Variants in ZNF423 observed in about 807,000 individuals in gnomAD.
The protein encoded by ZNF423 is Ebf-associated zinc finger protein.
A neutral mutation model predicts 95.8 loss-of-function variants in ZNF423; 12 were observed. The ratio of observed to expected loss-of-function variants is 0.13; its 90% CI spans 0.08 to 0.20. The LOEUF (loss-of-function observed/expected upper bound fraction) is 0.20, where lower values mean the gene tolerates loss of function less well. Among genes scored for constraint, ZNF423 ranks in the 10% least tolerant of loss-of-function variants. The pLI is 1.00. For missense variants in ZNF423, 1,316 were observed against 1,737.1 expected, an observed-to-expected ratio of 0.76 and a Z score of 4.31; for synonymous variants, 749 against 711.9, an observed-to-expected ratio of 1.05 and a Z score of -0.83.
chr16:49,663,401 C>T (rs558239387), intron 3 of ZNF423, among the ~76,000 whole-genome samples: 4 of 152,176 alleles, frequency 2.6e-5, no homozygotes, highest in Non-Finnish European at 4.4e-5. Flanking sequence ...CAGCCCACCC[C>T]CCTCGAGGCC....
intron 1 of ZNF423, among the ~76,000 whole-genome samples, chr16:49,814,880 CGGAGGCGACA>C: frequency 6.6e-6 from 1 of 152,214 alleles, no homozygotes; most frequent in Admixed American, 6.5e-5. Flanking sequence ...GCCAGCAAGA[CGGAGGCGACA>C]GGAGGCGGTC....
chr16:49,843,731 A>G (rs1177684913), intron 1 of ZNF423, among the ~76,000 whole-genome samples: 1 of 151,896 alleles, frequency 6.6e-6, no homozygotes, highest in African/African-American at 2.4e-5. Flanking sequence ...TTTCTTTTCT[A>G]TTCTGAGTGA....
At chr16:49,581,967 G>GT (rs550718465) in intron 5 of ZNF423, among the ~76,000 whole-genome samples, 120 of 152,296 alleles carry the variant, frequency 7.9e-4, no homozygotes, top group Non-Finnish European at 1.3e-3. Context: ...AGCTGAGTGA[G>GT]TTTTTTCCTT....
At chr16:49,790,767 TG>T (rs2034399736) in intron 1 of ZNF423, among the ~76,000 whole-genome samples, 1 of 152,232 alleles carries the variant, frequency 6.6e-6, no homozygotes, top group African/African-American at 2.4e-5. Context: ...ATCTAACCTC[TG>T]GGTTTCTGTT....
chr16:49,766,465 A>G (rs1489071530), intron 2 of ZNF423, among the ~76,000 whole-genome samples: 1 of 152,246 alleles, frequency 6.6e-6, no homozygotes, highest in East Asian at 1.9e-4. Context: ...CTGATGCCAC[A>G]GCACTGAGAG....
chr16:49,839,575 C>T (rs1280624655), intron 1 of ZNF423, among the ~76,000 whole-genome samples: 4 of 152,170 alleles, frequency 2.6e-5, no homozygotes, highest in African/African-American at 7.2e-5. Flanking sequence ...AGCGGAGGAG[C>T]GGGACATGAC....
At chr16:49,653,333 AATTC>A (rs1973487892) in intron 3 of ZNF423, among the ~76,000 whole-genome samples, 1 of 144,256 alleles carries the variant, frequency 6.9e-6, no homozygotes, top group Admixed American at 6.9e-5. Flanking sequence ...AAAAAAAAAG[AATTC>A]AACTCTGATT....
chr16:49,707,385 G>T (rs1276971444), intron 3 of ZNF423, among the ~76,000 whole-genome samples: 1 of 152,116 alleles, frequency 6.6e-6, no homozygotes, highest in Non-Finnish European at 1.5e-5. Flanking sequence ...AGGCCAAGGC[G>T]GGTGGATCAC....
At chr16:49,645,071 C>T (rs1033780903) in intron 3 of ZNF423, among the ~76,000 whole-genome samples, 2 of 152,172 alleles carry the variant, frequency 1.3e-5, no homozygotes, top group Non-Finnish European at 2.9e-5. Flanking sequence ...CACAAAATGG[C>T]CTTACAGTGC....
intron 3 of ZNF423, among the ~76,000 whole-genome samples, chr16:49,679,539 G>A (rs1400818852): frequency 1.3e-5 from 2 of 152,254 alleles, no homozygotes; most frequent in East Asian, 1.9e-4. Context: ...ATGCACTCAG[G>A]GCAGTGCTGA....
intron 7 of ZNF423, among the ~76,000 whole-genome samples, chr16:49,517,227 A>G (rs542564287): frequency 6.6e-6 from 1 of 152,280 alleles, no homozygotes; most frequent in African/African-American, 2.4e-5. Context: ...TCATGTCCCT[A>G]CAGCTTAATT....
At chr16:49,514,265 C>G (rs1258217407) in intron 7 of ZNF423, among the ~76,000 whole-genome samples, 1 of 151,602 alleles carries the variant, frequency 6.6e-6, no homozygotes, top group Admixed American at 6.6e-5. Flanking sequence ...CACACACATG[C>G]ACATACACAC....
At chr16:49,502,317 G>C (rs969601109) in intron 7 of ZNF423, among the ~76,000 whole-genome samples, 1 of 152,206 alleles carries the variant, frequency 6.6e-6, no homozygotes, top group Non-Finnish European at 1.5e-5. Context: ...GGTAAGGGTA[G>C]AAGATGAAGT....
At chr16:49,556,962 GA>G (rs1402144609) in intron 5 of ZNF423, among the ~76,000 whole-genome samples, 3 of 152,100 alleles carry the variant, frequency 2.0e-5, no homozygotes, top group African/African-American at 4.8e-5. Flanking sequence ...GAGAAGGCAG[GA>G]AAAAAACTAT....
chr16:49,819,317 A>AT (rs1325848197), intron 1 of ZNF423, among the ~76,000 whole-genome samples: 1 of 151,380 alleles, frequency 6.6e-6, no homozygotes, highest in African/African-American at 2.4e-5. Context: ...CTCAAAACCC[A>AT]TATGTGGCTA....
chr16:49,601,989 T>C (rs1433657701), intron 5 of ZNF423, among the ~76,000 whole-genome samples: 1 of 152,238 alleles, frequency 6.6e-6, no homozygotes. Context: ...GGAGACTTGT[T>C]CCAGCTCTGA....
At chr16:49,743,684 G>T (rs1490638892) in intron 2 of ZNF423, among the ~76,000 whole-genome samples, 6 of 151,944 alleles carry the variant, frequency 3.9e-5, no homozygotes, top group Non-Finnish European at 8.8e-5. Flanking sequence ...CGGCTCTAGG[G>T]CCTCTATTAT....
chr16:49,834,350 G>A (rs1215711771), intron 1 of ZNF423, among the ~76,000 whole-genome samples: 1 of 152,174 alleles, frequency 6.6e-6, no homozygotes, highest in South Asian at 2.1e-4. Context: ...GAACACAGGC[G>A]TGTTTGATGG....
chr16:49,791,759 T>C (rs2034418431), intron 1 of ZNF423, among the ~76,000 whole-genome samples: 1 of 152,110 alleles, frequency 6.6e-6, no homozygotes, highest in Non-Finnish European at 1.5e-5. Flanking sequence ...CTCAGCACTT[T>C]GGGAGGCCAA....
Sources: allele counts gnomAD v4.1 joint callset (sites outside exome capture counted in the v4.1 genomes callset), GRCh38; gene constraint gnomAD v4.1.1; transcripts MANE v1.5; gene names NCBI Gene and HGNC (gene_info 2026-07-23, HGNC 2026-07-21).